Variants in HECTD4 observed in about 807,000 individuals in gnomAD.
HECTD4 encodes HECT domain E3 ubiquitin protein ligase 4.
HECTD4 carries 114 observed loss-of-function variants against 471.5 expected under a neutral mutation model. That is an observed-to-expected ratio of 0.24 (90% confidence interval 0.21 to 0.28). HECTD4 has a LOEUF of 0.28. HECTD4 is among the 10% of genes least tolerant of loss of function. The pLI, the probability that HECTD4 is intolerant of heterozygous loss-of-function variation, is 1.00. For synonymous variants in HECTD4, 2,012 were observed against 2,256.0 expected, an observed-to-expected ratio of 0.89 and a Z score of 3.07; for missense variants, 3,866 against 5,651.5, an observed-to-expected ratio of 0.68 and a Z score of 10.13.
In HECTD4 at chr12:112,185,474, C is replaced by A. The variant is rs746374046; in HGVS notation, c.9492G>T (p.Thr3164=). The A allele has an allele frequency of 1.3e-6, 2 of 1,554,778 alleles. No individual in the cohort carries two copies. The highest frequency in any genetic ancestry group is 3.9e-5 in the Admixed American group (2 of 50,990). ...GCTCCTTCACGCAGGCTGCCATGTCCGTGGTCCACAAGAAGTTTCCTGAGG... is the reference window on the plus strand; with the variant it reads ...GCTCCTTCACGCAGGCTGCCATGTCAGTGGTCCACAAGAAGTTTCCTGAGG... ...VELLGNFLWT[T]DMAACVKELV... is the part of the protein sequence containing the mutation. Residue 3164 remains threonine (T), a synonymous_variant, in exon 61 of 76, where the codon ACG becomes ACT. Transcript: ENST00000682272.
chr12:112,254,023 AT>A lies in HECTD4; in HGVS notation c.3447+19del. ...AGTTCATTTTCTTTTCTAGGAAGCG[AT>A]TATGACTGAATACCATACCTTCACC... is the stretch of plus-strand genomic sequence containing the variant. On this transcript the variant is annotated intron_variant, in intron 22 of 75. Transcript: ENST00000682272. 1.2e-6 allele frequency: 2 copies of A among 1,613,368 alleles called. No homozygotes were observed. Among genetic ancestry groups the A allele is most frequent in the Non-Finnish European group, 1.7e-6 (2 of 1,179,508 alleles).
At chr12:112,244,213 A>G (rs1593969793) in intron 29 of HECTD4, among the ~76,000 whole-genome samples, 1 of 151,890 alleles carries the variant, frequency 6.6e-6, no homozygotes, top group East Asian at 2.0e-4. Context: ...ACTTAAAAAA[A>G]TTAAAATCTT....
At chr12:112,366,475 A>G (rs1228271867) in intron 1 of HECTD4, among the ~76,000 whole-genome samples, 1 of 152,150 alleles carries the variant, frequency 6.6e-6, no homozygotes, top group Non-Finnish European at 1.5e-5. Context: ...AGCTATGATT[A>G]TGCTGCTGTA....
intron 35 of HECTD4, 73 bp downstream of exon 35, chr12:112,236,872 C>A: frequency 1.5e-6 from 2 of 1,363,740 alleles, no homozygotes; most frequent in Non-Finnish European, 1.9e-6. Flanking sequence ...AAGACAACCA[C>A]CACCAAAAGA....
chr12:112,312,989 A>G lies in HECTD4; in HGVS notation c.916+28T>C, dbSNP rs1452350914. On this transcript the variant is annotated intron_variant, in intron 4 of 75. Coordinates refer to ENST00000682272, the MANE Select transcript of HECTD4 (RefSeq NM_001388303.1). ...ACCTCTTTATTTACATCTTACTATT[A>G]ATCACAGGACAAAAACTTTTACATT... The G allele has an allele frequency of 3.9e-6, 6 of 1,529,668 alleles. No individual in the cohort carries two copies. The Admixed American group carries it at 7.8e-5, about 20-fold the overall frequency. The allele number at this position is 1,529,668 out of a possible 1,614,324, so 94.8% of individuals were successfully genotyped here. A position where few individuals can be genotyped will look rare whatever the true frequency, so the allele number is the denominator to read the frequency against.
intron 4 of HECTD4, among the ~76,000 whole-genome samples, chr12:112,312,012 G>C (rs1208270738): frequency 7.2e-5 from 11 of 152,146 alleles, no homozygotes; most frequent in African/African-American, 2.7e-4. Flanking sequence ...AAAGGTACAA[G>C]CCCTGGGCTG....
chr12:112,258,501 A>G lies in HECTD4; in HGVS notation c.3123T>C (p.Asp1041=), dbSNP rs766980495. 6.3e-6 allele frequency: 10 copies of G among 1,584,460 alleles called. No homozygotes were observed. Among genetic ancestry groups the G allele is most frequent in the Admixed American group, 5.6e-5 (3 of 53,864 alleles). The change falls in exon 20 of 76, where the codon GAT becomes GAC. Residue 1041 remains aspartate (D), a synonymous_variant. Transcript: ENST00000682272. The part of the protein sequence containing the change: ...APDQKCRLFP[D]ERMLEEKEEP... ...AAGGAAGCAGCATTCATTACCTCTC[A>G]TCAGGGAACAGCCTGCACTTCTGGT...
At chr12:112,229,047 C>T (rs2033310670) in intron 41 of HECTD4, among the ~76,000 whole-genome samples, 1 of 152,116 alleles carries the variant, frequency 6.6e-6, no homozygotes, top group Admixed American at 6.5e-5. Flanking sequence ...TACTGCTAGG[C>T]CAGGTGTGGT....
intron 61 of HECTD4, 90 bp from the exon 62 acceptor site, chr12:112,183,356 A>G: frequency 9.8e-7 from 1 of 1,023,632 alleles, no homozygotes; most frequent in South Asian, 1.4e-5. Context: ...TTTCCTGGAA[A>G]CCCTCTATTC....
rs766781048 is a variant in HECTD4, at chr12:112,231,493, C to T, written c.6200+20G>A. ...AAACCTGAGATGAGTGTGGACAGCT[C>T]CTACCTGTGGAAGGTTTACCTTGCA... is the stretch of plus-strand genomic sequence containing the variant. On this transcript the variant is annotated intron_variant, in intron 39 of 75. Transcript: ENST00000682272. 43 of 1,609,736 alleles carry T rather than the reference C, an allele frequency of 2.7e-5. No homozygotes were observed. Among genetic ancestry groups the T allele is most frequent in the Non-Finnish European group, 3.2e-5 (38 of 1,176,138 alleles).
chr12:112,187,065 C>T (rs950998476), intron 60 of HECTD4, among the ~76,000 whole-genome samples: 28 of 151,982 alleles, frequency 1.8e-4, no homozygotes, highest in Non-Finnish European at 3.4e-4. Flanking sequence ...CCGCAACCTC[C>T]GCCTCCCAGG....
rs184380665 is a variant in HECTD4, at chr12:112,320,428, G to A, written c.178-686C>T. 1.1e-3 allele frequency among the ~76,000 whole-genome samples: 162 copies of A among 152,146 alleles called. 1 individual carries two copies. Among genetic ancestry groups the A allele is most frequent in the African/African-American group, 3.7e-3 (154 of 41,538 alleles). On this transcript the variant is annotated intron_variant, in intron 1 of 75. Transcript: ENST00000682272. The stretch of plus-strand genomic sequence containing the variant: ...TAAATGTTGTTTCTAGGACAGGCGC[G>A]GTGGCTCACGCCTGTAATCCCAGCA...
chr12:112,327,604 A>C (rs2035770796), intron 1 of HECTD4, among the ~76,000 whole-genome samples: 1 of 152,224 alleles, frequency 6.6e-6, no homozygotes, highest in African/African-American at 2.4e-5. Flanking sequence ...TACATTGTTC[A>C]TACAGAAGAA....
intron 1 of HECTD4, among the ~76,000 whole-genome samples, chr12:112,359,707 C>T (rs766164219): frequency 1.3e-5 from 2 of 152,150 alleles, no homozygotes; most frequent in African/African-American, 4.8e-5. Flanking sequence ...GCGTGAGCCA[C>T]CGCGCCTGGC....
At chr12:112,208,127 CAT>C in intron 51 of HECTD4, 127 bp from the exon 52 acceptor site, 1 of 1,106,942 alleles carries the variant, frequency 9.0e-7, no homozygotes, top group Non-Finnish European at 1.3e-6. Context: ...AAAGATCAGA[CAT>C]AGACCCCTGT....
rs762129186 is a variant in HECTD4, at chr12:112,319,435, G to A, written c.485C>T (p.Pro162Leu). 34 of 1,536,028 alleles carry A rather than the reference G, an allele frequency of 2.2e-5. No individual in the cohort carries two copies. The South Asian group carries it at 3.1e-4, about 14-fold the overall frequency. The stretch of plus-strand genomic sequence containing the variant: ...CTCAGCAGTTATGTTACAGAGAGAG[G>A]GGTCTGTTCTACTCTGGGACTGAAT... ...PLIQSQSRTD[P>L]SLCNITAEVL... Residue 162 changes from proline to leucine, a missense_variant, in exon 2 of 76, where the codon CCC becomes CTC. Physicochemically the swap from Pro to Leu is moderately conservative, Grantham distance 98. Transcript: ENST00000682272. The surrounding 1 kb of genome is among the most constrained non-coding windows in gnomAD (Gnocchi z 5.3).
chr12:112,364,975 C>T (rs767663770), intron 1 of HECTD4, among the ~76,000 whole-genome samples: 3 of 152,236 alleles, frequency 2.0e-5, no homozygotes, highest in Middle Eastern at 3.4e-3. Context: ...TGAAGGCAGA[C>T]AATATGTAAA....
chr12:112,262,797 A>C (rs778115680), intron 17 of HECTD4, among the ~76,000 whole-genome samples: 30 of 151,860 alleles, frequency 2.0e-4, no homozygotes, highest in Admixed American at 7.2e-4. Context: ...TGTATTTTTC[A>C]GTAGAGATGG....
In HECTD4 at chr12:112,319,757, G is replaced by C. The variant is rs2035548559; in HGVS notation, c.178-15C>G. On this transcript the variant is annotated splice_polypyrimidine_tract_variant and intron_variant, in intron 1 of 75. Coordinates refer to ENST00000682272, the MANE Select transcript of HECTD4 (RefSeq NM_001388303.1). This position sits in a 1 kb window ranked among gnomAD's most constrained non-coding sequence, Gnocchi z 5.3. Reference sequence around the variant, plus strand: ...AAGGTTAAAATCTAAGGAAAAAGACGATGGAGAAGTGGGTAAATATTACTT... The same window carrying C: ...AAGGTTAAAATCTAAGGAAAAAGACCATGGAGAAGTGGGTAAATATTACTT... The C allele has an allele frequency of 1.6e-5, 20 of 1,244,918 alleles. No individual in the cohort carries two copies. The highest frequency in any genetic ancestry group is 1.9e-5 in the Non-Finnish European group (19 of 994,728). The allele number at this position is 1,244,918 out of a possible 1,614,324, so 77.1% of individuals were successfully genotyped here. A position where few individuals can be genotyped will look rare whatever the true frequency, so the allele number is the denominator to read the frequency against.
Sources: allele counts gnomAD v4.1 joint callset (sites outside exome capture counted in the v4.1 genomes callset), GRCh38; gene constraint gnomAD v4.1.1; non-coding constraint Gnocchi (gnomAD v3.1); transcripts MANE v1.5; gene names NCBI Gene and HGNC (gene_info 2026-07-23, HGNC 2026-07-21).